Variants in GTF2F2 observed in about 807,000 individuals in gnomAD.
GTF2F2 encodes the protein ATP-dependent helicase GTF2F2.
In GTF2F2, 23 loss-of-function variants were observed where a neutral mutation model predicts 42.2. That is an observed-to-expected ratio of 0.55 (90% CI 0.39 to 0.77). The LOEUF (loss-of-function observed/expected upper bound fraction) is 0.77. GTF2F2 is among the 30% of genes least tolerant of loss of function. GTF2F2 has a pLI of 0.00. For synonymous variants in GTF2F2, 105 were observed against 100.8 expected, an observed-to-expected ratio of 1.04 and a Z score of -0.25; for missense variants, 261 against 287.2, an observed-to-expected ratio of 0.91 and a Z score of 0.66.
chr13:45,263,798 T>A (rs1876449061), intron 6 of GTF2F2: 1 of 163,052 alleles, frequency 6.1e-6, no homozygotes, highest in African/African-American at 2.4e-5. Flanking sequence ...GTTGCAGCTC[T>A]CTGTAAGTTT....
chr13:45,283,066 C>G (rs561188914), intron 7 of GTF2F2, among the ~76,000 whole-genome samples: 1 of 152,248 alleles, frequency 6.6e-6, no homozygotes, highest in African/African-American at 2.4e-5. Flanking sequence ...TGAACTGAGT[C>G]CCATGAGGCC....
At chr13:45,227,888 G>A (rs577930476) in intron 5 of GTF2F2, among the ~76,000 whole-genome samples, 10 of 152,260 alleles carry the variant, frequency 6.6e-5, no homozygotes, top group African/African-American at 2.4e-4. Flanking sequence ...TTTCTGGGGA[G>A]GTGATGGCCC....
intron 5 of GTF2F2, among the ~76,000 whole-genome samples, chr13:45,250,575 G>T (rs971526056): frequency 1.3e-5 from 2 of 152,150 alleles, no homozygotes; most frequent in Non-Finnish European, 2.9e-5. Flanking sequence ...CCTGGCAGAA[G>T]TGGGTACCCA....
At chr13:45,232,851 G>C (rs1566144289) in intron 5 of GTF2F2, among the ~76,000 whole-genome samples, 3 of 152,088 alleles carry the variant, frequency 2.0e-5, no homozygotes, top group Non-Finnish European at 2.9e-5. Flanking sequence ...GTGTAAGTGT[G>C]TACTTTGCAG....
chr13:45,178,834 C>T (rs1872009054), intron 4 of GTF2F2, among the ~76,000 whole-genome samples: 2 of 152,136 alleles, frequency 1.3e-5, no homozygotes, highest in Admixed American at 1.3e-4. Flanking sequence ...GGGGGCTCTA[C>T]TGTTCACATG....
At chr13:45,147,752 T>G (rs1250161612) in intron 2 of GTF2F2, among the ~76,000 whole-genome samples, 6 of 152,202 alleles carry the variant, frequency 3.9e-5, no homozygotes, top group Non-Finnish European at 7.3e-5. Context: ...TTCTTTACCA[T>G]TTGACTCTGG....
Position 45,158,410 on chromosome 13 carries a change from C to G in GTF2F2, c.304+6579C>G, listed in dbSNP as rs187612970. ...AAACTTCTTTTTCTTTATAAATTACCCAGTCTTGGGTATGTCATTATCAGC... is the reference window on the plus strand; with the variant it reads ...AAACTTCTTTTTCTTTATAAATTACGCAGTCTTGGGTATGTCATTATCAGC... On this transcript the variant is annotated intron_variant, in intron 4 of 7. Coordinates refer to ENST00000340473, the MANE Select transcript of GTF2F2 (RefSeq NM_004128.3). Among the ~76,000 whole-genome samples, 4 of 152,276 alleles carry G rather than the reference C, an allele frequency of 2.6e-5. No individual in the cohort carries two copies. In the East Asian group the frequency reaches 7.7e-4, roughly 29 times the overall value.
At chr13:45,121,981 T>C (rs1487872872) in intron 1 of GTF2F2, among the ~76,000 whole-genome samples, 2 of 152,152 alleles carry the variant, frequency 1.3e-5, no homozygotes, top group African/African-American at 4.8e-5. Flanking sequence ...GCCATTGTCC[T>C]AGGAGCATGG....
intron 2 of GTF2F2, among the ~76,000 whole-genome samples, chr13:45,142,554 G>A (rs1869982961): frequency 6.6e-6 from 1 of 152,140 alleles, no homozygotes; most frequent in East Asian, 1.9e-4. Context: ...GTGTTTGCAT[G>A]TTTTATATGT....
chr13:45,126,058 T>A (rs373235153), intron 1 of GTF2F2, among the ~76,000 whole-genome samples: 5 of 151,990 alleles, frequency 3.3e-5, no homozygotes, highest in African/African-American at 1.2e-4. Context: ...CTGGCCACAC[T>A]CTCAGCAGCT....
intron 5 of GTF2F2, among the ~76,000 whole-genome samples, chr13:45,249,696 T>G (rs1875793999): frequency 6.6e-6 from 1 of 152,224 alleles, no homozygotes; most frequent in Admixed American, 6.5e-5. Context: ...GCCTCCTTCC[T>G]TGGATGTCTC....
intron 4 of GTF2F2, among the ~76,000 whole-genome samples, chr13:45,192,222 T>G (rs1872687439): frequency 1.3e-5 from 2 of 152,170 alleles, no homozygotes; most frequent in African/African-American, 4.8e-5. Flanking sequence ...CTGTTTTTCT[T>G]AGTATATATA....
At chr13:45,126,538 C>G (rs142694576) in intron 1 of GTF2F2, among the ~76,000 whole-genome samples, 1 of 152,320 alleles carries the variant, frequency 6.6e-6, no homozygotes, top group African/African-American at 2.4e-5. Context: ...GCGTAAGCCA[C>G]TGTGCCCAGC....
chr13:45,218,898 A>G (rs568729476), intron 5 of GTF2F2, among the ~76,000 whole-genome samples: 2 of 152,340 alleles, frequency 1.3e-5, no homozygotes, highest in South Asian at 4.1e-4. Context: ...TAAGTGTGTT[A>G]CATTCTATCT....
At chr13:45,134,352 T>C (rs1222753952) in intron 1 of GTF2F2, among the ~76,000 whole-genome samples, 2 of 152,154 alleles carry the variant, frequency 1.3e-5, no homozygotes, top group Non-Finnish European at 2.9e-5. Context: ...AGAAGACTTA[T>C]GCTCTTCGGG....
chr13:45,191,224 A>AATATATATATATATATATATAT (rs1165963910), intron 4 of GTF2F2, among the ~76,000 whole-genome samples: 19 of 75,270 alleles, frequency 2.5e-4, no homozygotes, highest in African/African-American at 1.3e-3. Context: ...ACAAAAAAAA[A>AATATATATATATATATATATAT]ATATATATAT....
At chr13:45,230,045 A>C (rs367800927) in intron 5 of GTF2F2, among the ~76,000 whole-genome samples, 6 of 151,910 alleles carry the variant, frequency 3.9e-5, no homozygotes, top group Non-Finnish European at 8.8e-5. Flanking sequence ...GTGAAACCTT[A>C]TCTCTACTAA....
chr13:45,245,929 G>T (rs1450189028), intron 5 of GTF2F2, among the ~76,000 whole-genome samples: 1 of 129,248 alleles, frequency 7.7e-6, no homozygotes, highest in African/African-American at 2.8e-5. Context: ...CGACTAGCGA[G>T]ACTCCATCTC....
intron 1 of GTF2F2, among the ~76,000 whole-genome samples, chr13:45,125,537 C>T (rs569378615): frequency 6.6e-6 from 1 of 152,188 alleles, no homozygotes; most frequent in Non-Finnish European, 1.5e-5. Flanking sequence ...CCAGGATGGT[C>T]TCAATCTCTT....
Sources: gnomAD v4.1 joint callset for allele counts (sites outside exome capture counted in the v4.1 genomes callset) on GRCh38, gnomAD v4.1.1 for gene constraint, MANE v1.5 for transcripts, NCBI Gene and HGNC (gene_info 2026-07-23, HGNC 2026-07-21) for gene names.